Variants in TCHP observed in about 807,000 individuals in gnomAD.
TCHP encodes trichoplein keratin filament-binding protein.
In TCHP, 81 loss-of-function variants were observed where a neutral mutation model predicts 88.7. The ratio of observed to expected loss-of-function variants is 0.91; its 90% CI spans 0.76 to 1.10. The LOEUF (loss-of-function observed/expected upper bound fraction) is 1.10, where lower values mean the gene tolerates loss of function less well. TCHP is among the 50% of genes least tolerant of loss of function. TCHP has a pLI of 0.00. For missense variants in TCHP, 641 were observed against 632.1 expected, an observed-to-expected ratio of 1.01 and a Z score of -0.15; for synonymous variants, 232 against 232.5, an observed-to-expected ratio of 1.00 and a Z score of 0.02.
rs146598363 is a variant in TCHP at position 109,914,045 on chromosome 12, C to T, written c.1135-397C>T. On this transcript the variant is annotated intron_variant, in intron 10 of 12. Transcript: ENST00000405876. The stretch of plus-strand genomic sequence containing the variant: ...AGGTTAGAGGACCACCCCAGCTCCA[C>T]CTCTGGTCATCTGTGTGGCTTGTGG... Among the ~76,000 whole-genome samples, 1,038 of 152,258 alleles carry T rather than the reference C, an allele frequency of 6.8e-3. 1 individual carries two copies. Among genetic ancestry groups the T allele is most frequent in the Non-Finnish European group, 9.4e-3 (642 of 68,024 alleles).
chr12:109,914,412 A>G (rs1175760932), intron 10 of TCHP, 30 bp from the exon 11 acceptor site: 1 of 1,591,168 alleles, frequency 6.3e-7, no homozygotes, highest in South Asian at 1.1e-5. Flanking sequence ...GTCAACCTCA[A>G]AGCTGCCCTT....
At chr12:109,893,010 GC>G in the TCHP span, among the ~76,000 whole-genome samples, 2 of 152,256 alleles carry the variant, frequency 1.3e-5, no homozygotes, top group African/African-American at 4.8e-5. Context: ...CCATTTCTGA[GC>G]CCCCATTTCC....
In TCHP at chr12:109,914,685, T is replaced by C. The variant is rs1208151898; in HGVS notation, c.1320+58T>C. 1.0e-4 allele frequency: 148 copies of C among 1,475,844 alleles called. 3 individuals carry two copies. The South Asian group carries it at 1.2e-3, about 12-fold the overall frequency. The allele number at this position is 1,475,844 out of a possible 1,614,324, so 91.4% of individuals were successfully genotyped here. A position where few individuals can be genotyped will look rare whatever the true frequency, so the allele number is the denominator to read the frequency against. On this transcript the variant is annotated intron_variant, in intron 11 of 12. Transcript: ENST00000405876. ...GCCTGCCAGGTTCTCTGCATCATCA[T>C]GGGACAGGGTTCAGAGCCGCTGGAC...
chr12:109,887,524 T>C, the TCHP span, among the ~76,000 whole-genome samples: 2 of 152,098 alleles, frequency 1.3e-5, no homozygotes, highest in South Asian at 2.1e-4. Flanking sequence ...GTAGTTCCCT[T>C]CTCCTGCAGT....
At chr12:109,911,801 ATT>A (rs201488314) in intron 9 of TCHP, among the ~76,000 whole-genome samples, 2 of 142,806 alleles carry the variant, frequency 1.4e-5, no homozygotes, top group Admixed American at 7.0e-5. Context: ...GAAGGAAATT[ATT>A]TTTTTTTTTT....
At chr12:109,898,696 C>T (rs1244926274), upstream of TCHP, among the ~76,000 whole-genome samples, 3 of 152,070 alleles carry the variant, frequency 2.0e-5, no homozygotes, top group African/African-American at 2.4e-5. Context: ...GGTGTGATCA[C>T]GGCTCACTGC....
Position 109,908,698 on chromosome 12 carries a change from GGT to G in TCHP, c.812+7_812+8del. The G allele has an allele frequency of 6.3e-7, 1 of 1,591,858 alleles. No individual in the cohort carries two copies. Among genetic ancestry groups the G allele is most frequent in the Non-Finnish European group, 8.5e-7 (1 of 1,170,406 alleles). The stretch of plus-strand genomic sequence containing the variant: ...GCCTTCCGGCAGAAGGCAGAGCTGG[GGT>G]GTGTGTCAGAAGGGCCCCCCACTCT... On this transcript the variant is annotated splice_donor_variant, in intron 7 of 12. Coordinates refer to ENST00000405876, the MANE Select transcript of TCHP (RefSeq NM_001143852.2). LOFTEE classifies it high-confidence loss of function.
chr12:109,912,079 C>T (rs575741316), intron 9 of TCHP, among the ~76,000 whole-genome samples: 1 of 152,324 alleles, frequency 6.6e-6, no homozygotes, highest in East Asian at 1.9e-4. Context: ...CAGGCGTGAG[C>T]CACTATGCCC....
chr12:109,881,500 T>C, the TCHP span, among the ~76,000 whole-genome samples: 2 of 152,372 alleles, frequency 1.3e-5, no homozygotes, highest in East Asian at 3.9e-4. Context: ...CTCTAGAGTA[T>C]TGAGACCCTA....
chr12:109,904,820 T>C (rs760830694), intron 4 of TCHP, 27 bp downstream of exon 4: 31 of 1,594,502 alleles, frequency 1.9e-5, no homozygotes, highest in Non-Finnish European at 2.7e-5. Flanking sequence ...TCCATTGATT[T>C]ATCTAAGTAG....
intron 11 of TCHP, chr12:109,915,057 A>G (rs145967602): frequency 4.7e-4 from 211 of 448,308 alleles, no homozygotes; most frequent in African/African-American, 2.9e-3. Context: ...CCAGCTTTCT[A>G]CGAGGTACAT....
the TCHP span, among the ~76,000 whole-genome samples, chr12:109,887,318 A>C: frequency 6.7e-6 from 1 of 149,560 alleles, no homozygotes; most frequent in Admixed American, 6.7e-5. Context: ...GCTACTCGGG[A>C]GGCTGAGGCA....
At chr12:109,892,842 C>T in the TCHP span, among the ~76,000 whole-genome samples, 25 of 152,224 alleles carry the variant, frequency 1.6e-4, no homozygotes, top group Non-Finnish European at 2.5e-4. Context: ...AGGTGGTCAC[C>T]CAGGAACAGG....
chr12:109,885,682 C>T, the TCHP span, among the ~76,000 whole-genome samples: 1 of 151,924 alleles, frequency 6.6e-6, no homozygotes, highest in Middle Eastern at 3.4e-3. Flanking sequence ...AGGGTTTCAC[C>T]GTGTTAGCCA....
Position 109,916,628 on chromosome 12 carries a change from A to T in TCHP, c.*5A>T, listed in dbSNP as rs761491550. The T allele has an allele frequency of 4.3e-6, 7 of 1,613,240 alleles. No homozygotes were observed. The highest frequency in any genetic ancestry group is 3.3e-5 in the Admixed American group (2 of 59,876). On this transcript the variant is annotated 3_prime_UTR_variant, in exon 13 of 13. Coordinates refer to ENST00000405876, the MANE Select transcript of TCHP (RefSeq NM_001143852.2). ...CCAAAAATTGCTTGGAACTGACTTCATGGGTACCATAAGTACAGAGAACAA... is the reference window on the plus strand; with the variant it reads ...CCAAAAATTGCTTGGAACTGACTTCTTGGGTACCATAAGTACAGAGAACAA...
At chr12:109,890,636 A>C in the TCHP span, among the ~76,000 whole-genome samples, 2 of 150,772 alleles carry the variant, frequency 1.3e-5, no homozygotes, top group African/African-American at 4.9e-5. Flanking sequence ...CAGCCTCCCG[A>C]GTAGCTGGGA....
chr12:109,909,825 G>C (rs959652482), intron 8 of TCHP, among the ~76,000 whole-genome samples: 1 of 152,178 alleles, frequency 6.6e-6, no homozygotes, highest in Non-Finnish European at 1.5e-5. Flanking sequence ...AATTAGCCGG[G>C]TGTGGTGGCA....
chr12:109,913,827 C>T (rs1176966337), intron 10 of TCHP, among the ~76,000 whole-genome samples: 1 of 152,146 alleles, frequency 6.6e-6, no homozygotes, highest in Non-Finnish European at 1.5e-5. Context: ...TTGTAAATAC[C>T]AAGAATTCTC....
chr12:109,914,743 C>T lies in TCHP; in HGVS notation c.1320+116C>T, dbSNP rs138104243. On this transcript the variant is annotated intron_variant, in intron 11 of 12. Transcript: ENST00000405876. Reference sequence around the variant, plus strand: ...CAGGGCTTGCGCACGTTTGAGAGCACGGTGCTCCCGTTTCCATCCCAGCTG... The same window carrying T: ...CAGGGCTTGCGCACGTTTGAGAGCATGGTGCTCCCGTTTCCATCCCAGCTG... 6,472 of 789,234 alleles carry T rather than the reference C, an allele frequency of 8.2e-3. 31 individuals are homozygous for T. Among genetic ancestry groups the T allele is most frequent in the Non-Finnish European group, 9.5e-3 (4,771 of 500,024 alleles). 48.9% of individuals were successfully genotyped at this position (789,234 alleles called of 1,614,324 possible). A position where few individuals can be genotyped will look rare whatever the true frequency, so the allele number is the denominator to read the frequency against.
Sources: gnomAD v4.1 joint callset for allele counts (sites outside exome capture counted in the v4.1 genomes callset) on GRCh38, gnomAD v4.1.1 for gene constraint, MANE v1.5 for transcripts, NCBI Gene and HGNC (gene_info 2026-07-23, HGNC 2026-07-21) for gene names.